NCOA2: variants seen among roughly 807,000 people sequenced by gnomAD.
NCOA2 encodes class E basic helix-loop-helix protein 75.
A neutral mutation model predicts 145.1 loss-of-function variants in NCOA2; 21 were observed. The observed-to-expected ratio is 0.14, with a 90% CI of 0.10 to 0.21. The LOEUF (loss-of-function observed/expected upper bound fraction) is 0.21, where lower values mean the gene tolerates loss of function less well. Among genes scored for constraint, NCOA2 ranks in the 10% least tolerant of loss-of-function variants. The pLI, the probability that NCOA2 is intolerant of heterozygous loss-of-function variation, is 1.00. For synonymous variants in NCOA2, 619 were observed against 637.5 expected (o/e 0.97, Z 0.44); for missense variants, 1,472 against 1,837.6 (o/e 0.80, Z 3.64).
intron 21 of NCOA2, among the ~76,000 whole-genome samples, chr8:70,122,166 T>C (rs1807894224): frequency 6.6e-6 from 1 of 152,226 alleles, no homozygotes; most frequent in Admixed American, 6.5e-5. Flanking sequence ...TAGGAGTCAT[T>C]AGTGGCCCAT....
At chr8:70,240,014 G>C (rs1821989929) in intron 2 of NCOA2, among the ~76,000 whole-genome samples, 1 of 152,098 alleles carries the variant, frequency 6.6e-6, no homozygotes, top group African/African-American at 2.4e-5. Context: ...AATCCTTCCA[G>C]ATTTCCATAT....
intron 4 of NCOA2, 98 bp downstream of exon 4, chr8:70,213,805 G>T: frequency 1.0e-6 from 1 of 955,186 alleles, no homozygotes; most frequent in Non-Finnish European, 1.5e-6. Context: ...AATAATTTAA[G>T]CATAAGAAAT....
chr8:70,429,716 T>C, the NCOA2 span, among the ~76,000 whole-genome samples: 1 of 152,326 alleles, frequency 6.6e-6, no homozygotes, highest in African/African-American at 2.4e-5. Context: ...TAAATCTCAA[T>C]CGTCAATTTC....
rs114460649 is a variant in NCOA2, at chr8:70,270,571, G to A, written c.-20+26173C>T. 9.2e-3 allele frequency among the ~76,000 whole-genome samples: 1,404 copies of A among 152,136 alleles called. 21 individuals are homozygous for A. The highest frequency in any genetic ancestry group is 0.032 in the African/African-American group (1,307 of 41,474). The stretch of plus-strand genomic sequence containing the variant: ...TGCTGTAGTCGGGGTGGCTGGCGGG[G>A]GTGGGGGGATAGCAGGTAGGCACAG... On this transcript the variant is annotated intron_variant, in intron 2 of 22. Coordinates refer to ENST00000452400, the MANE Select transcript of NCOA2 (RefSeq NM_006540.4).
At chr8:70,412,331 T>C in the NCOA2 span, among the ~76,000 whole-genome samples, 6 of 151,428 alleles carry the variant, frequency 4.0e-5, no homozygotes, top group Admixed American at 3.9e-4. Flanking sequence ...TAAGTTGATA[T>C]AGTTCCCAAT....
the NCOA2 span, among the ~76,000 whole-genome samples, chr8:70,426,789 T>C: frequency 2.0e-5 from 3 of 152,126 alleles, no homozygotes; most frequent in Non-Finnish European, 4.4e-5. Flanking sequence ...ACTACAAAAC[T>C]CTGAATTGGT....
intron 11 of NCOA2, among the ~76,000 whole-genome samples, chr8:70,152,491 T>C (rs1811852894): frequency 6.6e-6 from 1 of 152,362 alleles, no homozygotes; most frequent in East Asian, 1.9e-4. Context: ...AAAATATGGT[T>C]TGCCTTTCTA....
intron 2 of NCOA2, among the ~76,000 whole-genome samples, chr8:70,289,770 A>C (rs1440236482): frequency 6.6e-6 from 1 of 152,180 alleles, no homozygotes; most frequent in Non-Finnish European, 1.5e-5. Context: ...AAATTGGACT[A>C]CATTGATTTA....
At chr8:70,194,879 G>A (rs1353458168) in intron 4 of NCOA2, among the ~76,000 whole-genome samples, 1 of 152,142 alleles carries the variant, frequency 6.6e-6, no homozygotes. Context: ...AAAGCCAAGA[G>A]TAAACAGCTG....
chr8:70,139,123 C>T (rs535410641), intron 14 of NCOA2, among the ~76,000 whole-genome samples: 30 of 152,280 alleles, frequency 2.0e-4, no homozygotes, highest in African/African-American at 6.3e-4. Flanking sequence ...ACTCTTTCTC[C>T]GAAGTTCTTC....
intron 4 of NCOA2, among the ~76,000 whole-genome samples, chr8:70,185,503 T>C (rs1340929036): frequency 6.6e-6 from 1 of 152,072 alleles, no homozygotes; most frequent in Non-Finnish European, 1.5e-5. Flanking sequence ...GACAGCAGAC[T>C]CCAGGGAGCA....
chr8:70,423,592 TC>T, the NCOA2 span, among the ~76,000 whole-genome samples: 1 of 152,188 alleles, frequency 6.6e-6, no homozygotes, highest in Non-Finnish European at 1.5e-5. Flanking sequence ...TTGTAATTTG[TC>T]CTTTTTGGAG....
chr8:70,326,453 G>GCACA (rs142047406), intron 1 of NCOA2, among the ~76,000 whole-genome samples: 119 of 143,868 alleles, frequency 8.3e-4, no homozygotes, highest in Middle Eastern at 7.1e-3. Context: ...ACACACACGT[G>GCACA]CACACACACA....
chr8:70,197,935 A>T lies in NCOA2; in HGVS notation c.259+15968T>A, dbSNP rs763850609. 3.9e-5 allele frequency among the ~76,000 whole-genome samples: 6 copies of T among 152,060 alleles called. No individual in the cohort carries two copies. The East Asian group carries it at 1.2e-3, about 29-fold the overall frequency. On this transcript the variant is annotated intron_variant, in intron 4 of 22. Transcript: ENST00000452400. ...CAGCTCAGCCTCTTGAGTAGCTAGA[A>T]CTACAGGCACACACCACCATGCCCA...
the NCOA2 span, among the ~76,000 whole-genome samples, chr8:70,422,401 GTT>G: frequency 6.9e-6 from 1 of 144,896 alleles, no homozygotes; most frequent in Admixed American, 6.9e-5. Context: ...AAAATGCTGT[GTT>G]TTTTTTTTTT....
intron 2 of NCOA2, among the ~76,000 whole-genome samples, chr8:70,294,879 T>C (rs1441010921): frequency 6.6e-6 from 1 of 152,218 alleles, no homozygotes; most frequent in Non-Finnish European, 1.5e-5. Context: ...CAATAAGTAA[T>C]AGTTGTTATT....
chr8:70,161,766 C>T (rs1346895810), intron 9 of NCOA2, among the ~76,000 whole-genome samples: 3 of 152,228 alleles, frequency 2.0e-5, no homozygotes, highest in Admixed American at 2.0e-4. Context: ...GCATGAGTCC[C>T]TCACGTGCAG....
chr8:70,443,285 C>T, the NCOA2 span, among the ~76,000 whole-genome samples: 2 of 152,192 alleles, frequency 1.3e-5, no homozygotes, highest in Non-Finnish European at 1.5e-5. Flanking sequence ...AGGAGGATCA[C>T]TTGAGCCCAG....
At chr8:70,381,776 G>A (rs1405009245) in intron 1 of NCOA2, among the ~76,000 whole-genome samples, 3 of 152,160 alleles carry the variant, frequency 2.0e-5, no homozygotes, top group Non-Finnish European at 4.4e-5. Context: ...AAGAACCTCT[G>A]AAGCTCTCAT....
Sources: gnomAD v4.1 joint callset for allele counts (sites outside exome capture counted in the v4.1 genomes callset) on GRCh38, gnomAD v4.1.1 for gene constraint, MANE v1.5 for transcripts, NCBI Gene and HGNC (gene_info 2026-07-23, HGNC 2026-07-21) for gene names.